The following MSI2 variants were observed in gnomAD, a reference collection of about 807,000 sequenced individuals.
MSI2 encodes the protein musashi RNA binding protein 2.
A neutral mutation model predicts 45.6 loss-of-function variants in MSI2; 17 were observed. That is an observed-to-expected ratio of 0.37 (90% CI 0.26 to 0.56). The LOEUF is 0.56. Ranked by LOEUF, MSI2 falls within the 20% of genes least tolerant of loss-of-function variation. The pLI is 0.77. For missense variants in MSI2, 293 were observed against 444.2 expected, an observed-to-expected ratio of 0.66 and a Z score of 3.06; for synonymous variants, 156 against 158.2, an observed-to-expected ratio of 0.99 and a Z score of 0.11.
At chr17:57,524,741 G>A (rs377665419) in intron 6 of MSI2, among the ~76,000 whole-genome samples, 3 of 152,324 alleles carry the variant, frequency 2.0e-5, no homozygotes, top group African/African-American at 7.2e-5. Flanking sequence ...TCTGAGAGAA[G>A]GGGAACAAAG....
intron 5 of MSI2, among the ~76,000 whole-genome samples, chr17:57,376,724 C>T (rs1023843514): frequency 2.0e-5 from 3 of 152,290 alleles, no homozygotes; most frequent in Admixed American, 2.0e-4. Flanking sequence ...TCAGAAATAG[C>T]GTCTTCCTCT....
intron 6 of MSI2, among the ~76,000 whole-genome samples, chr17:57,469,228 T>C (rs891094352): frequency 6.6e-6 from 1 of 152,218 alleles, no homozygotes; most frequent in African/African-American, 2.4e-5. Flanking sequence ...TTCTTTTCTA[T>C]TTTAAAGCCC....
intron 5 of MSI2, among the ~76,000 whole-genome samples, chr17:57,293,241 C>A (rs1910586935): frequency 6.6e-6 from 1 of 152,138 alleles, no homozygotes; most frequent in Non-Finnish European, 1.5e-5. Context: ...TGGGGAGAGA[C>A]TCAGGGCCCT....
At chr17:57,648,221 C>A (rs1293947758) in intron 10 of MSI2, among the ~76,000 whole-genome samples, 1 of 150,294 alleles carries the variant, frequency 6.7e-6, no homozygotes, top group Non-Finnish European at 1.5e-5. Context: ...CCAGGCTGGT[C>A]TTGAACTCCT....
chr17:57,638,573 A>G (rs1910010760), intron 10 of MSI2, among the ~76,000 whole-genome samples: 1 of 152,200 alleles, frequency 6.6e-6, no homozygotes, highest in East Asian at 1.9e-4. Context: ...GTAATAGAAC[A>G]CCATAGAGTG....
At chr17:57,433,501 C>T (rs760098006) in intron 6 of MSI2, among the ~76,000 whole-genome samples, 3 of 152,174 alleles carry the variant, frequency 2.0e-5, no homozygotes, top group South Asian at 2.1e-4. Context: ...GACAGACTCT[C>T]CCCAGAGCTT....
chr17:57,621,896 C>A (rs974737129), intron 9 of MSI2, among the ~76,000 whole-genome samples: 6 of 152,174 alleles, frequency 3.9e-5, no homozygotes, highest in Non-Finnish European at 5.9e-5. Flanking sequence ...ACCAGAGTCA[C>A]CTAAGACTCT....
chr17:57,331,276 G>C (rs1480156869), intron 5 of MSI2, among the ~76,000 whole-genome samples: 1 of 152,172 alleles, frequency 6.6e-6, no homozygotes, highest in Non-Finnish European at 1.5e-5. Context: ...AACTGGCCCA[G>C]GACACACTGT....
chr17:57,699,762 G>A, the MSI2 span, among the ~76,000 whole-genome samples: 1 of 152,218 alleles, frequency 6.6e-6, no homozygotes, highest in South Asian at 2.1e-4. Context: ...ACCCTCCAAA[G>A]GTGGATGGGG....
At chr17:57,690,157 T>G in the MSI2 span, among the ~76,000 whole-genome samples, 5 of 152,088 alleles carry the variant, frequency 3.3e-5, no homozygotes, top group African/African-American at 4.8e-5. Flanking sequence ...CAGTTTTTTT[T>G]TTTTTTTTTT....
intron 6 of MSI2, chr17:57,522,589 T>A (rs1276013760): frequency 6.6e-6 from 1 of 152,170 alleles, no homozygotes; most frequent in Non-Finnish European, 1.5e-5. Flanking sequence ...CAGAGCATCG[T>A]CCCAGCTGCC....
intron 7 of MSI2, among the ~76,000 whole-genome samples, chr17:57,586,225 C>A (rs2088343838): frequency 6.6e-6 from 1 of 152,174 alleles, no homozygotes; most frequent in Admixed American, 6.5e-5. Flanking sequence ...CTTTTTCCCA[C>A]TCAGTTAACA....
At chr17:57,622,813 A>G (rs1855617443) in intron 9 of MSI2, among the ~76,000 whole-genome samples, 1 of 152,216 alleles carries the variant, frequency 6.6e-6, no homozygotes, top group African/African-American at 2.4e-5. Flanking sequence ...TGTTTAGGTT[A>G]TTCTCAAGGA....
intron 5 of MSI2, chr17:57,263,551 T>C (rs192136066): frequency 6.6e-6 from 1 of 152,326 alleles, no homozygotes; most frequent in East Asian, 1.9e-4. Context: ...TCCATAAGTG[T>C]GAATCTTCAA....
chr17:57,609,182 G>A (rs1477487889), intron 8 of MSI2, among the ~76,000 whole-genome samples: 2 of 152,300 alleles, frequency 1.3e-5, no homozygotes, highest in African/African-American at 4.8e-5. Flanking sequence ...AACAATGTTG[G>A]CCTCAAACCC....
At chr17:57,381,072 T>G (rs1014546338) in intron 5 of MSI2, among the ~76,000 whole-genome samples, 6 of 152,056 alleles carry the variant, frequency 3.9e-5, no homozygotes, top group African/African-American at 1.4e-4. Flanking sequence ...ACTTCTCAAT[T>G]TTATTTTTAT....
At chr17:57,427,269 A>G (rs2084510468) in intron 6 of MSI2, among the ~76,000 whole-genome samples, 1 of 152,094 alleles carries the variant, frequency 6.6e-6, no homozygotes, top group Non-Finnish European at 1.5e-5. Context: ...GTGGTGATGC[A>G]TGCCTGTAAT....
downstream of MSI2, among the ~76,000 whole-genome samples, chr17:57,687,005 G>GT (rs1555644132): frequency 1.4e-5 from 2 of 147,140 alleles, no homozygotes; most frequent in Non-Finnish European, 3.0e-5. Context: ...TTGGCCAGCA[G>GT]CCCCCCCCCC....
intron 6 of MSI2, among the ~76,000 whole-genome samples, chr17:57,408,784 AG>A (rs1173478069): frequency 1.3e-5 from 2 of 152,126 alleles, no homozygotes; most frequent in African/African-American, 4.8e-5. Flanking sequence ...AGTGGGTGCA[AG>A]GGGTGGTTCT....
Sources: gnomAD v4.1 joint callset for allele counts (sites outside exome capture counted in the v4.1 genomes callset) on GRCh38, gnomAD v4.1.1 for gene constraint, MANE v1.5 for transcripts, NCBI Gene and HGNC (gene_info 2026-07-23, HGNC 2026-07-21) for gene names.